WDR19: variants seen among roughly 807,000 people sequenced by gnomAD.
WDR19 encodes WD repeat domain 19.
A neutral mutation model predicts 180.0 loss-of-function variants in WDR19; 121 were observed. The observed-to-expected ratio is 0.67, with a 90% CI of 0.58 to 0.78. The LOEUF (loss-of-function observed/expected upper bound fraction) is 0.78, where lower values mean the gene tolerates loss of function less well. WDR19 is among the 30% of genes least tolerant of loss of function. WDR19 has a pLI of 0.00. For synonymous variants in WDR19, 497 were observed against 540.7 expected (o/e 0.92, Z 1.12); for missense variants, 1,450 against 1,640.7 (o/e 0.88, Z 2.01).
chr4:39,267,281 G>GAA (rs1265945057), intron 29 of WDR19, among the ~76,000 whole-genome samples: 1 of 152,150 alleles, frequency 6.6e-6, no homozygotes, highest in Non-Finnish European at 1.5e-5. Flanking sequence ...TCACTGATTG[G>GAA]AAACGAGGGC....
At chr4:39,281,232 T>TAGAGAGAGAGAGAGAGAGAGAGAGAG (rs542816951) in intron 36 of WDR19, among the ~76,000 whole-genome samples, 4 of 100,954 alleles carry the variant, frequency 4.0e-5, no homozygotes, top group African/African-American at 1.6e-4. Context: ...TATATATATA[T>TAGAGAGAGAGAGAGAGAGAGAGAGAG]ATATAGAGAG....
chr4:39,248,818 T>G (rs1199368394), intron 24 of WDR19, among the ~76,000 whole-genome samples: 1 of 152,158 alleles, frequency 6.6e-6, no homozygotes, highest in East Asian at 1.9e-4. Flanking sequence ...CCTAAATATA[T>G]ATGCAGCCAA....
intron 4 of WDR19, among the ~76,000 whole-genome samples, chr4:39,190,807 C>T: frequency 6.6e-6 from 1 of 152,188 alleles, no homozygotes; most frequent in East Asian, 1.9e-4. Flanking sequence ...TTGCTCTGTC[C>T]TCTTACACTT....
At chr4:39,183,270 T>TTTTTTTTTTTTG (rs1182348960) in intron 1 of WDR19, among the ~76,000 whole-genome samples, 1 of 147,814 alleles carries the variant, frequency 6.8e-6, no homozygotes, top group South Asian at 2.2e-4. Flanking sequence ...TTTTTTTTTT[T>TTTTTTTTTTTTG]ACTGAGTCTC....
At chr4:39,252,511 TAAAA>T (rs1733339247) in intron 24 of WDR19, among the ~76,000 whole-genome samples, 1 of 133,368 alleles carries the variant, frequency 7.5e-6, no homozygotes, top group Admixed American at 7.3e-5. Context: ...AGTATAATAA[TAAAA>T]AATAATAAAA....
At chr4:39,248,806 A>T (rs568185437) in intron 24 of WDR19, among the ~76,000 whole-genome samples, 1 of 152,360 alleles carries the variant, frequency 6.6e-6, no homozygotes, top group East Asian at 1.9e-4. Flanking sequence ...AGAACTAACT[A>T]TCCTAAATAT....
At chr4:39,218,171 A>G (rs1729277843) in intron 14 of WDR19, 66 bp downstream of exon 14, 13 of 1,538,514 alleles carry the variant, frequency 8.4e-6, no homozygotes, top group Non-Finnish European at 1.1e-5. Flanking sequence ...GATCTCAGTC[A>G]TTCTCTTTTC....
At position 39,273,353 on chromosome 4, in the gene WDR19, G is replaced by A. The variant is rs562196276; in HGVS notation, c.3565+292G>A. 2.8e-4 allele frequency: 109 copies of A among 389,044 alleles called. 1 individual carries two copies. The South Asian group carries it at 2.8e-3, about 10-fold the overall frequency. 24.1% of individuals were successfully genotyped at this position (389,044 alleles called of 1,614,324 possible). A position where few individuals can be genotyped will look rare whatever the true frequency, so the allele number is the denominator to read the frequency against. On this transcript the variant is annotated intron_variant, in intron 32 of 36. Coordinates refer to ENST00000399820, the MANE Select transcript of WDR19 (RefSeq NM_025132.4). ...GCAAAGGCGAGCAGGTGCAGGCACG[G>A]ACCTCCAAGAGTCCCTTCCCAGTGG...
chr4:39,255,731 A>C (rs1733681283), intron 26 of WDR19, 117 bp from the exon 27 acceptor site: 1 of 499,110 alleles, frequency 2.0e-6, no homozygotes, highest in African/African-American at 2.0e-5. Flanking sequence ...TAATAATTAC[A>C]TTGATGTTTG....
rs764810190 is a variant in WDR19 at position 39,274,828 on chromosome 4, T to C, written c.3586T>C (p.Ser1196Pro). ...TGCAGACATTGTACCCATCCTGACG[T>C]CAACTGTGATTGAGTGTCACAGGGC... is the stretch of plus-strand genomic sequence containing the variant. ...FPSHIVPILT[S>P]TVIECHRAGL... is the part of the protein sequence containing the mutation. Residue 1196 changes from serine (S) to proline (P), a missense_variant, in exon 33 of 37, where the codon TCA (serine) becomes CCA (proline). Physicochemically the swap from Ser to Pro is moderately conservative, Grantham distance 74 (BLOSUM62 -1). Transcript: ENST00000399820. The C allele has an allele frequency of 6.2e-7, 1 of 1,613,868 alleles. No homozygotes were observed. Among genetic ancestry groups the C allele is most frequent in the South Asian group, 1.1e-5 (1 of 91,084 alleles).
intron 25 of WDR19, among the ~76,000 whole-genome samples, 174 bp from the exon 26 acceptor site, chr4:39,253,732 T>G (rs531394443): frequency 4.4e-4 from 67 of 151,838 alleles, no homozygotes; most frequent in Non-Finnish European, 8.1e-4. Context: ...TGAGCTGAGA[T>G]TGCACCACTG....
intron 24 of WDR19, among the ~76,000 whole-genome samples, chr4:39,249,888 G>A (rs1283222211): frequency 3.3e-5 from 5 of 152,018 alleles, no homozygotes; most frequent in Admixed American, 3.3e-4. Flanking sequence ...AGGACCAGAT[G>A]GATTCACAGC....
intron 6 of WDR19, among the ~76,000 whole-genome samples, chr4:39,199,958 C>G (rs902645760): frequency 6.6e-6 from 1 of 152,174 alleles, no homozygotes; most frequent in Non-Finnish European, 1.5e-5. Context: ...CTGCCTAATT[C>G]TAAAGCTCAT....
At chr4:39,226,127 A>G (rs1730224813) in intron 15 of WDR19, among the ~76,000 whole-genome samples, 1 of 146,506 alleles carries the variant, frequency 6.8e-6, no homozygotes, top group South Asian at 2.2e-4. Context: ...CACAGTTAGA[A>G]ACTGTGGCTT....
intron 21 of WDR19, among the ~76,000 whole-genome samples, chr4:39,240,943 G>A (rs1436512948): frequency 5.0e-5 from 7 of 139,866 alleles, no homozygotes; most frequent in Admixed American, 7.8e-5. Flanking sequence ...ACGACAGAGC[G>A]AGACTCCATC....
chr4:39,255,881 G>A lies in WDR19; in HGVS notation c.3035G>A (p.Ser1012Asn), dbSNP rs768709445. The A allele has an allele frequency of 1.2e-6, 2 of 1,606,992 alleles. No individual in the cohort carries two copies. The highest frequency in any genetic ancestry group is 1.7e-5 in the Admixed American group (1 of 59,158). Residue 1012 changes from serine to asparagine, a missense_variant, in exon 27 of 37, where the codon AGC becomes AAC. By Grantham distance (46) the Ser-to-Asn change is conservative (BLOSUM62 1). Coordinates refer to ENST00000399820, the MANE Select transcript of WDR19 (RefSeq NM_025132.4). ...SEDTTNEDYQ[S>N]IALYFEGEKR... ...GACACTACTAATGAAGACTATCAAA[G>A]CATTGCCTTATACTTTGAAGGAGAA...
intron 4 of WDR19, among the ~76,000 whole-genome samples, chr4:39,191,664 A>T (rs1726159983): frequency 6.6e-6 from 1 of 152,242 alleles, no homozygotes. Context: ...AAAACCCTAT[A>T]CATAACATCT....
chr4:39,223,065 A>T (rs964408885), intron 14 of WDR19, among the ~76,000 whole-genome samples: 1 of 152,200 alleles, frequency 6.6e-6, no homozygotes, highest in Non-Finnish European at 1.5e-5. Flanking sequence ...TTTGTTATTG[A>T]GTCGTATTCC....
chr4:39,209,279 A>C (rs369783276), intron 9 of WDR19, among the ~76,000 whole-genome samples: 2 of 152,228 alleles, frequency 1.3e-5, no homozygotes, highest in East Asian at 3.8e-4. Context: ...GCAATTAAAA[A>C]ATACATAGAA....
Sources: allele counts gnomAD v4.1 joint callset (sites outside exome capture counted in the v4.1 genomes callset), GRCh38; gene constraint gnomAD v4.1.1; transcripts MANE v1.5; gene names NCBI Gene and HGNC (gene_info 2026-07-23, HGNC 2026-07-21).